Variants in TTC7B observed in about 807,000 individuals in gnomAD.
TTC7B encodes tetratricopeptide repeat domain 7B.
In TTC7B, 28 loss-of-function variants were observed where a neutral mutation model predicts 106.8. The ratio of observed to expected loss-of-function variants is 0.26; its 90% CI spans 0.19 to 0.36. The LOEUF (loss-of-function observed/expected upper bound fraction) is 0.36, where lower values mean the gene tolerates loss of function less well. Among genes scored for constraint, TTC7B ranks in the 10% least tolerant of loss-of-function variants. The pLI, the probability that TTC7B is intolerant of heterozygous loss-of-function variation, is 1.00. For missense variants in TTC7B, 862 were observed against 1,076.4 expected (o/e 0.80, Z 2.79); for synonymous variants, 405 against 430.6 (o/e 0.94, Z 0.74).
chr14:90,741,016 G>A (rs977056167), intron 4 of TTC7B, among the ~76,000 whole-genome samples: 52 of 152,138 alleles, frequency 3.4e-4, no homozygotes, highest in African/African-American at 1.2e-3. Context: ...AACTAGGACT[G>A]CGGTTTTACA....
At chr14:90,583,473 C>T (rs537416180) in intron 18 of TTC7B, among the ~76,000 whole-genome samples, 1 of 152,180 alleles carries the variant, frequency 6.6e-6, no homozygotes, top group East Asian at 1.9e-4. Flanking sequence ...GGAGTGAATT[C>T]AATTTAAAAA....
intron 1 of TTC7B, among the ~76,000 whole-genome samples, chr14:90,815,227 C>A (rs1228209061): frequency 6.6e-6 from 1 of 152,198 alleles, no homozygotes; most frequent in Non-Finnish European, 1.5e-5. Flanking sequence ...GGTGCCTGCG[C>A]TTTAGGCGGG....
chr14:90,812,910 C>T (rs558125632), intron 1 of TTC7B, among the ~76,000 whole-genome samples: 3 of 151,274 alleles, frequency 2.0e-5, no homozygotes, highest in African/African-American at 4.9e-5. Flanking sequence ...GAGTCCTTAA[C>T]GGGGAGGGGC....
At chr14:90,560,266 G>T (rs537203683) in intron 19 of TTC7B, among the ~76,000 whole-genome samples, 31 of 152,226 alleles carry the variant, frequency 2.0e-4, no homozygotes, top group Non-Finnish European at 4.0e-4. Flanking sequence ...CACCATGGCC[G>T]ATTCCAAGCT....
chr14:90,676,725 A>G, intron 8 of TTC7B, 65 bp from the exon 9 acceptor site: 1 of 1,569,780 alleles, frequency 6.4e-7, no homozygotes, highest in African/African-American at 1.3e-5. Context: ...CGGGGAGTCC[A>G]CCTAGGCCCT....
intron 13 of TTC7B, among the ~76,000 whole-genome samples, chr14:90,649,259 C>T (rs1025924921): frequency 2.0e-5 from 3 of 152,236 alleles, no homozygotes; most frequent in African/African-American, 4.8e-5. Context: ...TACAACTTGG[C>T]TAATGAATTC....
At chr14:90,560,993 A>G (rs1469209293) in intron 19 of TTC7B, among the ~76,000 whole-genome samples, 1 of 152,186 alleles carries the variant, frequency 6.6e-6, no homozygotes, top group Non-Finnish European at 1.5e-5. Flanking sequence ...GGCCTGGAAA[A>G]ATGCATGTTG....
rs969588499 is a variant in TTC7B, at chr14:90,645,125, G to A, written c.1591-917C>T. 5 of 152,204 alleles carry A rather than the reference G, an allele frequency of 3.3e-5. No individual in the cohort carries two copies. The East Asian group carries it at 5.8e-4, about 18-fold the overall frequency. The allele number at this position is 152,204 out of a possible 1,614,324, so 9.4% of individuals were successfully genotyped here. A position where few individuals can be genotyped will look rare whatever the true frequency, so the allele number is the denominator to read the frequency against. On this transcript the variant is annotated intron_variant, in intron 14 of 19. Transcript: ENST00000328459. Reference sequence around the variant, plus strand: ...CACAACCATCCCACAGATGGCTTCCGGTCTCGCTCCAACTCCAGTCCTCTG... The same window carrying A: ...CACAACCATCCCACAGATGGCTTCCAGTCTCGCTCCAACTCCAGTCCTCTG...
intron 19 of TTC7B, among the ~76,000 whole-genome samples, chr14:90,572,161 C>T (rs899433866): frequency 2.0e-5 from 3 of 152,228 alleles, no homozygotes; most frequent in Admixed American, 2.0e-4. Context: ...TTCCAGCCCT[C>T]TCTGCCATAC....
intron 7 of TTC7B, among the ~76,000 whole-genome samples, chr14:90,683,640 C>T (rs1031712614): frequency 3.9e-5 from 6 of 152,148 alleles, no homozygotes; most frequent in African/African-American, 1.2e-4. Context: ...CTCCCCATGA[C>T]AAAGAAAGAA....
chr14:90,633,998 T>G (rs1199259647), intron 15 of TTC7B, among the ~76,000 whole-genome samples: 3 of 152,030 alleles, frequency 2.0e-5, no homozygotes, highest in Admixed American at 1.3e-4. Flanking sequence ...CTTCAGCTAC[T>G]CCCGAGTAGC....
At position 90,537,448 on chromosome 14, in the gene TTC7B, C is replaced by A. The variant is rs572258755; in HGVS notation, c.*3920G>T. 1 of 152,220 alleles carries A rather than the reference C, an allele frequency of 6.6e-6. No individual in the cohort carries two copies. Among genetic ancestry groups the A allele is most frequent in the South Asian group, 2.1e-4 (1 of 4,826 alleles). The allele number at this position is 152,220 out of a possible 1,614,324, so 9.4% of individuals were successfully genotyped here. Reference sequence around the variant, plus strand: ...TCAGCTGATTCTCCTGCCTCAGCCTCCCTAAGTGCTGGGATTACAGGCAGG... The same window carrying A: ...TCAGCTGATTCTCCTGCCTCAGCCTACCTAAGTGCTGGGATTACAGGCAGG... On this transcript the variant is annotated 3_prime_UTR_variant, in exon 20 of 20. Coordinates refer to ENST00000328459, the MANE Select transcript of TTC7B (RefSeq NM_001010854.2).
chr14:90,632,054 C>A (rs1025141683), intron 15 of TTC7B, among the ~76,000 whole-genome samples: 3 of 152,194 alleles, frequency 2.0e-5, no homozygotes, highest in African/African-American at 7.2e-5. Flanking sequence ...ATTGTGACCC[C>A]TGTTGTCTTC....
intron 9 of TTC7B, among the ~76,000 whole-genome samples, chr14:90,666,858 T>C (rs1356208724): frequency 6.6e-6 from 1 of 152,236 alleles, no homozygotes; most frequent in African/African-American, 2.4e-5. Flanking sequence ...AGAATTTGAA[T>C]GCTGGATGCG....
At chr14:90,713,078 C>A (rs949701456) in intron 5 of TTC7B, among the ~76,000 whole-genome samples, 1 of 152,044 alleles carries the variant, frequency 6.6e-6, no homozygotes, top group African/African-American at 2.4e-5. Flanking sequence ...GAAAACAGGG[C>A]AAAAGTTTTG....
At chr14:90,790,948 G>C (rs1891566375) in intron 1 of TTC7B, among the ~76,000 whole-genome samples, 1 of 152,098 alleles carries the variant, frequency 6.6e-6, no homozygotes, top group African/African-American at 2.4e-5. Flanking sequence ...AAAGCGGAGA[G>C]AACCAAGTGG....
At chr14:90,557,788 T>C (rs1202963887) in intron 19 of TTC7B, among the ~76,000 whole-genome samples, 1 of 152,204 alleles carries the variant, frequency 6.6e-6, no homozygotes, top group Non-Finnish European at 1.5e-5. Flanking sequence ...CCCAACTTTC[T>C]CCCTGACTCT....
At chr14:90,714,238 G>GAAAAAAAAAAAA (rs894417153) in intron 5 of TTC7B, among the ~76,000 whole-genome samples, 1 of 148,758 alleles carries the variant, frequency 6.7e-6, no homozygotes. Context: ...CTCAAAAAAA[G>GAAAAAAAAAAAA]AAAAAAAAAG....
At chr14:90,713,711 C>T (rs1272285189) in intron 5 of TTC7B, among the ~76,000 whole-genome samples, 1 of 152,198 alleles carries the variant, frequency 6.6e-6, no homozygotes, top group African/African-American at 2.4e-5. Flanking sequence ...AGTGAAAACA[C>T]ATGTTTACAA....
Sources: allele counts gnomAD v4.1 joint callset (sites outside exome capture counted in the v4.1 genomes callset), GRCh38; gene constraint gnomAD v4.1.1; transcripts MANE v1.5; gene names NCBI Gene and HGNC (gene_info 2026-07-23, HGNC 2026-07-21).